ASIP: variants seen among roughly 807,000 people sequenced by gnomAD.
The protein encoded by ASIP is agouti-signaling protein.
A neutral mutation model predicts 10.3 loss-of-function variants in ASIP; 11 were observed. The ratio of observed to expected loss-of-function variants is 1.07; its 90% confidence interval spans 0.68 to 1.78. The LOEUF is 1.78. Ranked by LOEUF, ASIP falls within the 40% of genes most tolerant of loss-of-function variation. The pLI is 0.00. For missense variants in ASIP, 180 were observed against 169.2 expected, an observed-to-expected ratio of 1.06 and a Z score of -0.35; for synonymous variants, 70 against 70.8, an observed-to-expected ratio of 0.99 and a Z score of 0.06.
chr20:34,234,824 AAAC>A (rs1359103508), intron 1 of ASIP: 1 of 152,170 alleles, frequency 6.6e-6, no homozygotes, highest in Non-Finnish European at 1.5e-5. Context: ...ACAACAACAA[AAAC>A]AACAACAAAC....
intron 1 of ASIP, among the ~76,000 whole-genome samples, chr20:34,243,009 A>AATG (rs1374871881): frequency 2.6e-5 from 4 of 152,268 alleles, no homozygotes; most frequent in African/African-American, 9.6e-5. Flanking sequence ...GCCTAAAGGG[A>AATG]ATGATGTCAG....
intron 1 of ASIP, among the ~76,000 whole-genome samples, chr20:34,209,194 C>T (rs1401217971): frequency 6.6e-6 from 1 of 152,228 alleles, no homozygotes; most frequent in Non-Finnish European, 1.5e-5. Context: ...TCCAGCTGCA[C>T]ATTGCACAGA....
chr20:34,198,015 C>T (rs1225201294), intron 1 of ASIP, among the ~76,000 whole-genome samples: 1 of 151,878 alleles, frequency 6.6e-6, no homozygotes, highest in South Asian at 2.1e-4. Flanking sequence ...GGGGTCAGAC[C>T]CTTGATGTTG....
At chr20:34,248,571 G>A (rs1164163683) in intron 1 of ASIP, among the ~76,000 whole-genome samples, 3 of 152,140 alleles carry the variant, frequency 2.0e-5, no homozygotes, top group Admixed American at 1.3e-4. Context: ...GGGAGGCCGA[G>A]GAGGCAGTGT....
chr20:34,201,060 C>CTTTCT (rs1568744601), intron 1 of ASIP, among the ~76,000 whole-genome samples: 6 of 94,042 alleles, frequency 6.4e-5, no homozygotes, highest in East Asian at 2.6e-4. Context: ...TTCTTTCTTT[C>CTTTCT]TTTTTTTTCC....
chr20:34,201,661 G>T (rs1273446907), intron 1 of ASIP, among the ~76,000 whole-genome samples: 1 of 152,224 alleles, frequency 6.6e-6, no homozygotes, highest in Non-Finnish European at 1.5e-5. Context: ...TACCTGGAGG[G>T]AATGTGGTTT....
At chr20:34,213,766 A>C (rs1383233351) in intron 1 of ASIP, 14 of 1,507,890 alleles carry the variant, frequency 9.3e-6, no homozygotes, top group Non-Finnish European at 1.3e-5. Context: ...TCCACTTCTG[A>C]GAATACCCTT....
At chr20:34,192,200 G>A (rs1311406012), upstream of ASIP, among the ~76,000 whole-genome samples, 3 of 151,572 alleles carry the variant, frequency 2.0e-5, no homozygotes, top group Non-Finnish European at 4.4e-5. Flanking sequence ...CCAAGCCCAG[G>A]TAATTTTGTA....
At chr20:34,201,126 C>T (rs1341134708) in intron 1 of ASIP, among the ~76,000 whole-genome samples, 4 of 151,096 alleles carry the variant, frequency 2.6e-5, no homozygotes, top group East Asian at 1.9e-4. Context: ...GTTAGAGCCT[C>T]TATTTTTGTA....
At chr20:34,262,972 C>G (rs1040102459) in intron 3 of ASIP, 79 bp downstream of exon 3, 18 of 1,517,004 alleles carry the variant, frequency 1.2e-5, no homozygotes, top group Middle Eastern at 3.4e-4. Flanking sequence ...CAACCTCTGG[C>G]TAGGAACTAA....
chr20:34,211,607 G>C (rs6088431), intron 1 of ASIP, among the ~76,000 whole-genome samples: 1 of 152,164 alleles, frequency 6.6e-6, no homozygotes, highest in Admixed American at 6.5e-5. Context: ...ATTTTTCTCA[G>C]GTATTATTTG....
chr20:34,237,069 TA>T (rs1157245633), upstream of ASIP, among the ~76,000 whole-genome samples: 2 of 152,222 alleles, frequency 1.3e-5, no homozygotes, highest in African/African-American at 4.8e-5. Flanking sequence ...TGGGTTTATT[TA>T]TTCTATTCCA....
intron 1 of ASIP, among the ~76,000 whole-genome samples, chr20:34,200,707 G>A (rs887773578): frequency 1.3e-5 from 2 of 152,170 alleles, no homozygotes; most frequent in Non-Finnish European, 2.9e-5. Context: ...TTTTATTTGG[G>A]AGAAACAGGG....
At chr20:34,219,988 G>T (rs1341727022) in intron 1 of ASIP, among the ~76,000 whole-genome samples, 1 of 152,158 alleles carries the variant, frequency 6.6e-6, no homozygotes, top group Non-Finnish European at 1.5e-5. Context: ...TACTAGGGAG[G>T]CTGAGGCAGG....
chr20:34,210,358 C>A (rs913351101), intron 1 of ASIP, among the ~76,000 whole-genome samples: 4 of 152,232 alleles, frequency 2.6e-5, no homozygotes, highest in African/African-American at 9.6e-5. Context: ...TGGGAGCCAC[C>A]ACATTCCCCA....
At chr20:34,231,569 T>C (rs1458351343) in intron 1 of ASIP, among the ~76,000 whole-genome samples, 3 of 152,212 alleles carry the variant, frequency 2.0e-5, no homozygotes, top group Admixed American at 2.0e-4. Context: ...AGGACACTGT[T>C]AAGAACAATG....
At position 34,269,179 on chromosome 20, in the gene ASIP, C is replaced by A. The variant is rs2035844745; in HGVS notation, c.*12C>A. ...GCCTCAACTGCTGAGCGCCCCCACT[C>A]CCGGCCGCGAGCAGGCAGGGCTTCG... On this transcript the variant is annotated 3_prime_UTR_variant, in exon 4 of 4. Coordinates refer to ENST00000374954, the MANE Select transcript of ASIP (RefSeq NM_001672.3). The A allele has an allele frequency of 1.3e-6, 2 of 1,492,722 alleles. No homozygotes were observed. The highest frequency in any genetic ancestry group is 2.2e-5 in the Admixed American group (1 of 45,560). 92.5% of individuals were successfully genotyped at this position (1,492,722 alleles called of 1,614,324 possible).
intron 1 of ASIP, among the ~76,000 whole-genome samples, chr20:34,196,720 A>G (rs2034860057): frequency 2.6e-5 from 4 of 152,278 alleles, no homozygotes; most frequent in Admixed American, 2.6e-4. Context: ...GCCGGTTCTG[A>G]GGGGTGAAGT....
chr20:34,205,366 T>C (rs1281914996), intron 1 of ASIP, among the ~76,000 whole-genome samples: 1 of 151,770 alleles, frequency 6.6e-6, no homozygotes, highest in African/African-American at 2.4e-5. Flanking sequence ...TCGTGGTGAG[T>C]GTTACAGCTC....
Sources: allele counts gnomAD v4.1 joint callset (sites outside exome capture counted in the v4.1 genomes callset), GRCh38; gene constraint gnomAD v4.1.1; transcripts MANE v1.5; gene names NCBI Gene and HGNC (gene_info 2026-07-23, HGNC 2026-07-21).